CDH2: variants seen among roughly 807,000 people sequenced by gnomAD.
CDH2 encodes cadherin-2.
CDH2 carries 17 observed loss-of-function variants against 92.0 expected under a neutral mutation model. The ratio of observed to expected loss-of-function variants is 0.18; its 90% CI spans 0.13 to 0.28. The LOEUF is 0.28. CDH2 is among the 10% of genes least tolerant of loss of function. The pLI, the probability that CDH2 is intolerant of heterozygous loss-of-function variation, is 1.00. For missense variants in CDH2, 862 were observed against 1,133.1 expected, an observed-to-expected ratio of 0.76 and a Z score of 3.44; for synonymous variants, 419 against 415.9, an observed-to-expected ratio of 1.01 and a Z score of -0.09.
At chr18:28,147,262 TAATAA>T (rs762739128) in intron 2 of CDH2, among the ~76,000 whole-genome samples, 1 of 152,126 alleles carries the variant, frequency 6.6e-6, no homozygotes, top group East Asian at 1.9e-4. Context: ...ACGTTTTATC[TAATAA>T]AATATTATAA....
chr18:27,948,894 T>G (rs768870780), downstream of CDH2, among the ~76,000 whole-genome samples: 19 of 152,052 alleles, frequency 1.2e-4, no homozygotes, highest in Non-Finnish European at 2.8e-4. Flanking sequence ...ACACATACTT[T>G]TATCATTGAA....
intron 2 of CDH2, among the ~76,000 whole-genome samples, chr18:28,129,905 A>T (rs559249701): frequency 2.2e-4 from 33 of 152,338 alleles, no homozygotes; most frequent in Non-Finnish European, 3.7e-4. Context: ...TTTTTAGGAC[A>T]TCTAGAACTA....
At chr18:28,019,444 TTCATAG>T (rs2013347749) in intron 2 of CDH2, among the ~76,000 whole-genome samples, 1 of 152,004 alleles carries the variant, frequency 6.6e-6, no homozygotes, top group Middle Eastern at 3.2e-3. Flanking sequence ...AAGCGGGGAT[TTCATAG>T]TCACTGGCAC....
At chr18:28,130,169 T>C (rs779818943) in intron 2 of CDH2, among the ~76,000 whole-genome samples, 29 of 152,172 alleles carry the variant, frequency 1.9e-4, no homozygotes, top group Non-Finnish European at 2.9e-5. Flanking sequence ...AGAAGCATCG[T>C]GATCATTTTG....
downstream of CDH2, among the ~76,000 whole-genome samples, chr18:27,949,386 C>G (rs374408007): frequency 1.9e-3 from 282 of 151,832 alleles, no homozygotes; most frequent in Non-Finnish European, 3.5e-3. Context: ...TATTCCCATG[C>G]AAAGAGACAT....
At chr18:27,975,500 C>T (rs946433437) in intron 14 of CDH2, among the ~76,000 whole-genome samples, 3 of 152,202 alleles carry the variant, frequency 2.0e-5, no homozygotes, top group African/African-American at 4.8e-5. Flanking sequence ...TGAGTGAGCA[C>T]GGGAACCAGC....
chr18:28,089,740 A>C (rs956110955), intron 2 of CDH2, among the ~76,000 whole-genome samples: 3 of 152,234 alleles, frequency 2.0e-5, no homozygotes, highest in Non-Finnish European at 4.4e-5. Context: ...AAGGTTAGCC[A>C]AATTCATAAT....
At chr18:27,992,979 G>A (rs185403533) in intron 8 of CDH2, 139 bp from the exon 9 acceptor site, 24 of 535,814 alleles carry the variant, frequency 4.5e-5, no homozygotes, top group African/African-American at 7.6e-5. Flanking sequence ...GATAATGCAG[G>A]TAATCACAGC....
At chr18:28,130,022 C>A (rs1310120401) in intron 2 of CDH2, among the ~76,000 whole-genome samples, 2 of 152,166 alleles carry the variant, frequency 1.3e-5, no homozygotes, top group Non-Finnish European at 2.9e-5. Flanking sequence ...ATGAACCTCT[C>A]TTGTCTTCCG....
At chr18:28,051,804 C>T (rs750602040) in intron 2 of CDH2, among the ~76,000 whole-genome samples, 23 of 151,990 alleles carry the variant, frequency 1.5e-4, no homozygotes, top group African/African-American at 4.6e-4. Context: ...TCTTTTACTA[C>T]GAAATCACTA....
chr18:28,028,826 A>G (rs764193991), intron 2 of CDH2, among the ~76,000 whole-genome samples: 3 of 152,128 alleles, frequency 2.0e-5, no homozygotes, highest in Non-Finnish European at 2.9e-5. Flanking sequence ...TGTATTAAGT[A>G]TTTAACATAT....
intron 2 of CDH2, among the ~76,000 whole-genome samples, chr18:28,044,128 G>C (rs919103149): frequency 2.0e-5 from 3 of 151,872 alleles, no homozygotes; most frequent in Non-Finnish European, 4.4e-5. Flanking sequence ...GGCCAGGCTG[G>C]TCTTTAACTC....
At chr18:28,024,772 AATT>A (rs2013505720) in intron 2 of CDH2, among the ~76,000 whole-genome samples, 1 of 151,900 alleles carries the variant, frequency 6.6e-6, no homozygotes, top group African/African-American at 2.4e-5. Flanking sequence ...TAAACACTTT[AATT>A]CTAAAACACA....
intron 2 of CDH2, among the ~76,000 whole-genome samples, chr18:28,130,331 T>C (rs2015745863): frequency 6.6e-6 from 1 of 152,108 alleles, no homozygotes; most frequent in Non-Finnish European, 1.5e-5. Context: ...GAGGAGGAAA[T>C]GCTTTTCAAA....
At chr18:27,943,673 A>G (rs1909197310) in intron 6 of CDH2, among the ~76,000 whole-genome samples, 2 of 152,182 alleles carry the variant, frequency 1.3e-5, no homozygotes, top group South Asian at 4.1e-4. Flanking sequence ...TGCACCTGGA[A>G]AGAACTCAGT....
chr18:28,036,656 C>G (rs947471175), intron 2 of CDH2: 9 of 761,976 alleles, frequency 1.2e-5, no homozygotes, highest in Admixed American at 2.3e-5. Context: ...GACGGAAATG[C>G]CGATGCAGCT....
intron 2 of CDH2, among the ~76,000 whole-genome samples, chr18:28,144,176 A>G (rs1459500123): frequency 6.6e-6 from 1 of 151,962 alleles, no homozygotes; most frequent in African/African-American, 2.4e-5. Flanking sequence ...AAAAAAAAAA[A>G]GAGCTATATA....
intron 2 of CDH2, among the ~76,000 whole-genome samples, chr18:28,049,435 G>A (rs2014146086): frequency 6.6e-6 from 1 of 152,048 alleles, no homozygotes; most frequent in Non-Finnish European, 1.5e-5. Flanking sequence ...GAAATGAACA[G>A]GACAAATATA....
intron 2 of CDH2, among the ~76,000 whole-genome samples, chr18:28,058,747 A>C (rs2014344704): frequency 6.6e-6 from 1 of 151,966 alleles, no homozygotes; most frequent in South Asian, 2.1e-4. Flanking sequence ...TGTTTATTTA[A>C]ATTTTCTTAG....
Sources: gnomAD v4.1 joint callset for allele counts (sites outside exome capture counted in the v4.1 genomes callset) on GRCh38, gnomAD v4.1.1 for gene constraint, MANE v1.5 for transcripts, NCBI Gene and HGNC (gene_info 2026-07-23, HGNC 2026-07-21) for gene names.